Variants in BCL2 observed in about 807,000 individuals in gnomAD.
The protein encoded by BCL2 is apoptosis regulator Bcl-2.
BCL2 carries 1 observed loss-of-function variant against 14.2 expected under a neutral mutation model. The observed-to-expected ratio is 0.07, with a 90% CI of 0.02 to 0.33. BCL2 has a LOEUF of 0.33. Among genes scored for constraint, BCL2 ranks in the 10% least tolerant of loss-of-function variants. BCL2 has a pLI of 0.99. For synonymous variants in BCL2, 151 were observed against 137.2 expected, an observed-to-expected ratio of 1.10 and a Z score of -0.70; for missense variants, 247 against 305.9, an observed-to-expected ratio of 0.81 and a Z score of 1.44.
chr18:63,176,920 CTT>C (rs11346034), intron 2 of BCL2, among the ~76,000 whole-genome samples: 27 of 144,226 alleles, frequency 1.9e-4, no homozygotes, highest in Admixed American at 1.4e-4. Context: ...TTCTTCTTTT[CTT>C]TTTTTTTTTT....
Position 63,318,526 on chromosome 18 carries a change from G to A in BCL2, c.141C>T (p.Gly47=). Residue 47 remains glycine (G), a synonymous_variant, in exon 2 of 3, where the codon GGC becomes GGT. Transcript: ENST00000333681. This position sits in a 1 kb window ranked among gnomAD's most constrained non-coding sequence, Gnocchi z 7.4. ...AAPPGAAPAP[G]IFSSQPGHTP... is the part of the protein sequence containing the mutation. Reference sequence around the variant, plus strand: ...TGTGCCCGGGCTGGGAGGAGAAGATGCCCGGTGCGGGGGCGGCCCCCGGGG... The same window carrying A: ...TGTGCCCGGGCTGGGAGGAGAAGATACCCGGTGCGGGGGCGGCCCCCGGGG... 1.3e-6 allele frequency: 2 copies of A among 1,575,394 alleles called. No homozygotes were observed. Among genetic ancestry groups the A allele is most frequent in the South Asian group, 1.1e-5 (1 of 88,680 alleles).
chr18:63,317,731 C>A (rs1893806), intron 2 of BCL2: 578,264 of 1,122,050 alleles, frequency 0.52, 153,116 homozygotes, highest in Admixed American at 0.58. Flanking sequence ...CCGGTTCCAA[C>A]AAGCTGCTCA....
chr18:63,201,703 C>G (rs899293568), intron 2 of BCL2, among the ~76,000 whole-genome samples: 13 of 152,196 alleles, frequency 8.5e-5, no homozygotes, highest in African/African-American at 2.9e-4. Context: ...TGGAAACCAT[C>G]ATTCTCAGCA....
intron 2 of BCL2, among the ~76,000 whole-genome samples, chr18:63,163,788 C>T (rs960888930): frequency 6.6e-6 from 1 of 152,206 alleles, no homozygotes; most frequent in Non-Finnish European, 1.5e-5. Flanking sequence ...TTCCCCACTT[C>T]ACACATGAGG....
chr18:63,230,568 G>A (rs1028085983), intron 2 of BCL2, among the ~76,000 whole-genome samples: 1 of 151,788 alleles, frequency 6.6e-6, no homozygotes, highest in East Asian at 1.9e-4. Context: ...TAATAAAATA[G>A]GTAAATATTT....
intron 2 of BCL2, chr18:63,151,112 T>C (rs1568216816): frequency 6.6e-6 from 1 of 152,120 alleles, no homozygotes; most frequent in Non-Finnish European, 1.5e-5. Flanking sequence ...TTTTCCCCCT[T>C]CTTGTGTTTT....
At chr18:63,262,823 C>G (rs1352679161) in intron 2 of BCL2, among the ~76,000 whole-genome samples, 1 of 152,080 alleles carries the variant, frequency 6.6e-6, no homozygotes, top group East Asian at 1.9e-4. Flanking sequence ...CTGCTGTCCC[C>G]AAATAAAGAA....
intron 2 of BCL2, among the ~76,000 whole-genome samples, chr18:63,217,748 A>G (rs773244140): frequency 6.6e-6 from 1 of 152,240 alleles, no homozygotes; most frequent in Non-Finnish European, 1.5e-5. Flanking sequence ...GTAAAATGCT[A>G]AGGTTAGACA....
intron 2 of BCL2, among the ~76,000 whole-genome samples, chr18:63,139,197 T>C (rs1374186295): frequency 6.6e-6 from 1 of 152,230 alleles, no homozygotes; most frequent in South Asian, 2.1e-4. Context: ...TGTGGGCTCA[T>C]GTCCCTCCTG....
intron 2 of BCL2, among the ~76,000 whole-genome samples, chr18:63,154,062 C>T (rs1460124853): frequency 6.6e-6 from 1 of 152,172 alleles, no homozygotes; most frequent in Non-Finnish European, 1.5e-5. Context: ...GTACATCAAA[C>T]CCAACACAGC....
intron 2 of BCL2, among the ~76,000 whole-genome samples, chr18:63,143,590 G>A (rs577157703): frequency 2.2e-4 from 33 of 152,382 alleles, no homozygotes; most frequent in African/African-American, 7.7e-4. Flanking sequence ...GCGAGCCTGG[G>A]GGACCCTGCC....
chr18:63,192,486 A>T (rs1243439439), intron 2 of BCL2, among the ~76,000 whole-genome samples: 1 of 152,188 alleles, frequency 6.6e-6, no homozygotes, highest in African/African-American at 2.4e-5. Flanking sequence ...GGGTGATAAG[A>T]CAAGCTAAAA....
intron 2 of BCL2, among the ~76,000 whole-genome samples, chr18:63,281,666 C>CAGAAAGAAAGAAAGAAAGAAAGAAAGAA (rs11271898): frequency 1.8e-4 from 16 of 88,346 alleles, no homozygotes; most frequent in East Asian, 1.2e-3. Context: ...GACCTTGTCT[C>CAGAAAGAAAGAAAGAAAGAAAGAAAGAA]AGAAAGAAAG....
At chr18:63,238,540 T>C (rs1441075337) in intron 2 of BCL2, among the ~76,000 whole-genome samples, 1 of 152,186 alleles carries the variant, frequency 6.6e-6, no homozygotes, top group East Asian at 1.9e-4. Flanking sequence ...TGGTTGGAAA[T>C]GTATGTATTT....
intron 2 of BCL2, among the ~76,000 whole-genome samples, chr18:63,152,085 T>C (rs568098230): frequency 1.7e-3 from 256 of 152,318 alleles, no homozygotes; most frequent in African/African-American, 5.8e-3. Flanking sequence ...AAGACCCTGA[T>C]CAAAACAGAG....
intron 2 of BCL2, among the ~76,000 whole-genome samples, chr18:63,141,622 C>T (rs192443273): frequency 2.2e-3 from 334 of 152,240 alleles, no homozygotes; most frequent in African/African-American, 6.5e-3. Flanking sequence ...TATTCAATAC[C>T]GAACAGGACT....
At chr18:63,130,106 C>T (rs754726567) in intron 2 of BCL2, among the ~76,000 whole-genome samples, 1 of 152,146 alleles carries the variant, frequency 6.6e-6, no homozygotes, top group Non-Finnish European at 1.5e-5. Context: ...TGCTCATTTC[C>T]TAGATTTTGG....
intron 2 of BCL2, among the ~76,000 whole-genome samples, chr18:63,213,026 G>A (rs1225120463): frequency 1.3e-5 from 2 of 152,168 alleles, no homozygotes; most frequent in Non-Finnish European, 2.9e-5. Context: ...TCATGATTAG[G>A]ACTAAGTGCT....
At chr18:63,148,342 T>A (rs1390460993) in intron 2 of BCL2, among the ~76,000 whole-genome samples, 1 of 152,112 alleles carries the variant, frequency 6.6e-6, no homozygotes, top group Admixed American at 6.6e-5. Flanking sequence ...CGAGTCATAA[T>A]AAAAGAAAAT....
Sources: allele counts gnomAD v4.1 joint callset (sites outside exome capture counted in the v4.1 genomes callset), GRCh38; gene constraint gnomAD v4.1.1; non-coding constraint Gnocchi (gnomAD v3.1); transcripts MANE v1.5; gene names NCBI Gene and HGNC (gene_info 2026-07-23, HGNC 2026-07-21).